The following SLC4A4 variants were observed in gnomAD, a reference collection of about 807,000 sequenced individuals.
SLC4A4 encodes electrogenic sodium bicarbonate cotransporter 1.
A neutral mutation model predicts 111.5 loss-of-function variants in SLC4A4; 27 were observed. The ratio of observed to expected loss-of-function variants is 0.24; its 90% confidence interval spans 0.18 to 0.33. SLC4A4 has a LOEUF of 0.33. SLC4A4 is among the 10% of genes least tolerant of loss of function. The pLI, the probability that SLC4A4 is intolerant of heterozygous loss-of-function variation, is 1.00. For synonymous variants in SLC4A4, 443 were observed against 463.4 expected (o/e 0.96, Z 0.57); for missense variants, 909 against 1,315.5 (o/e 0.69, Z 4.78).
chr4:71,214,422 C>T (rs781288446), intron 1 of SLC4A4, among the ~76,000 whole-genome samples: 11 of 152,096 alleles, frequency 7.2e-5, no homozygotes, highest in Admixed American at 2.6e-4. Flanking sequence ...TTTCCATAAA[C>T]GCATCATCAT....
chr4:71,090,595 T>TAGTGACTCC (rs923087544), intron 1 of SLC4A4, among the ~76,000 whole-genome samples: 1 of 152,240 alleles, frequency 6.6e-6, no homozygotes, highest in Non-Finnish European at 1.5e-5. Context: ...TGCAAGATTT[T>TAGTGACTCC]AGTGACTCCA....
chr4:71,478,387 A>G (rs1247868842), intron 14 of SLC4A4, among the ~76,000 whole-genome samples: 2 of 152,016 alleles, frequency 1.3e-5, no homozygotes, highest in African/African-American at 4.8e-5. Flanking sequence ...GACTGGGTAA[A>G]TAAAATGTGG....
intron 2 of SLC4A4, among the ~76,000 whole-genome samples, chr4:71,112,758 A>G (rs1743123860): frequency 6.6e-6 from 1 of 152,152 alleles, no homozygotes; most frequent in Admixed American, 6.5e-5. Flanking sequence ...TCTTTTTAAT[A>G]AACTTTAAAA....
At chr4:71,262,774 C>A (rs11725021) in intron 3 of SLC4A4, among the ~76,000 whole-genome samples, 1 of 147,924 alleles carries the variant, frequency 6.8e-6, no homozygotes, top group Non-Finnish European at 1.5e-5. Context: ...TTTTTTTTTT[C>A]TAGCAAACAG....
At chr4:71,124,809 G>T (rs1180624566) in intron 2 of SLC4A4, among the ~76,000 whole-genome samples, 1 of 152,178 alleles carries the variant, frequency 6.6e-6, no homozygotes, top group Non-Finnish European at 1.5e-5. Context: ...CAGGAGATGT[G>T]AAGGACAATC....
At chr4:71,334,963 G>A (rs972837273) in intron 3 of SLC4A4, among the ~76,000 whole-genome samples, 1 of 152,124 alleles carries the variant, frequency 6.6e-6, no homozygotes, top group Non-Finnish European at 1.5e-5. Flanking sequence ...CTTTAGAAAT[G>A]GACAAAAGGT....
intron 6 of SLC4A4, among the ~76,000 whole-genome samples, chr4:71,364,899 A>G (rs1379117546): frequency 6.6e-6 from 1 of 152,088 alleles, no homozygotes; most frequent in Non-Finnish European, 1.5e-5. Flanking sequence ...TTTGCCTACT[A>G]CTTCATTTAT....
intron 1 of SLC4A4, among the ~76,000 whole-genome samples, chr4:71,230,564 T>C (rs1464729642): frequency 6.6e-6 from 1 of 152,140 alleles, no homozygotes; most frequent in Non-Finnish European, 1.5e-5. Flanking sequence ...TGAGTTGAAA[T>C]ACAAGATTAG....
chr4:71,552,622 T>C (rs568261228), intron 20 of SLC4A4, among the ~76,000 whole-genome samples: 1 of 151,968 alleles, frequency 6.6e-6, no homozygotes, highest in Admixed American at 6.6e-5. Flanking sequence ...CCTATTTTGA[T>C]TTTATCTCAA....
intron 7 of SLC4A4, among the ~76,000 whole-genome samples, chr4:71,432,542 G>A (rs1723737343): frequency 6.6e-6 from 1 of 151,990 alleles, no homozygotes; most frequent in Non-Finnish European, 1.5e-5. Flanking sequence ...AGTATTTCTT[G>A]AAGGATTAAT....
At chr4:71,437,313 G>C (rs1053692342) in intron 7 of SLC4A4, 2 of 364,538 alleles carry the variant, frequency 5.5e-6, no homozygotes, top group Non-Finnish European at 1.1e-5. Context: ...CAATAACACG[G>C]TTTTGGGGAA....
chr4:71,534,971 T>C (rs1454308568), intron 18 of SLC4A4, among the ~76,000 whole-genome samples: 3 of 152,178 alleles, frequency 2.0e-5, no homozygotes, highest in Non-Finnish European at 4.4e-5. Flanking sequence ...TGGGATATCT[T>C]TCAAGAGAGC....
intron 14 of SLC4A4, among the ~76,000 whole-genome samples, chr4:71,479,337 C>A (rs777844574): frequency 6.6e-6 from 1 of 151,640 alleles, no homozygotes; most frequent in South Asian, 2.1e-4. Context: ...AAGTCATTCA[C>A]AGCATAAGGA....
rs1204860088 is a variant in SLC4A4 at position 71,236,569 on chromosome 4, A to G, written c.-1-7A>G. 2 of 1,611,844 alleles carry G rather than the reference A, an allele frequency of 1.2e-6. No individual in the cohort carries two copies. Among genetic ancestry groups the G allele is most frequent in the Non-Finnish European group, 1.7e-6 (2 of 1,178,236 alleles). ...GAGCATTCTTTTTTTCTTTTTTATT[A>G]CTATAGGATGGAGGATGAAGCTGTC... On this transcript the variant is annotated splice_polypyrimidine_tract_variant and splice_region_variant and intron_variant, in intron 1 of 25. Transcript: ENST00000264485.
At chr4:71,132,560 A>T (rs979543750) in intron 2 of SLC4A4, among the ~76,000 whole-genome samples, 26 of 152,136 alleles carry the variant, frequency 1.7e-4, no homozygotes, top group African/African-American at 6.3e-4. Context: ...AATGAGTTAA[A>T]TTGTGCCTGG....
chr4:71,434,346 A>G (rs1723919589), intron 7 of SLC4A4: 3 of 157,162 alleles, frequency 1.9e-5, no homozygotes, highest in Non-Finnish European at 4.2e-5. Flanking sequence ...TTTAAAATAA[A>G]ATGATTGCTA....
At chr4:71,435,461 A>G (rs1272717617) in intron 7 of SLC4A4, among the ~76,000 whole-genome samples, 1 of 152,234 alleles carries the variant, frequency 6.6e-6, no homozygotes. Context: ...AATCCATAAA[A>G]GAAAACCTAG....
chr4:71,086,847 G>A (rs1443944026), intron 1 of SLC4A4, among the ~76,000 whole-genome samples: 5 of 151,978 alleles, frequency 3.3e-5, no homozygotes, highest in Non-Finnish European at 7.3e-5. Flanking sequence ...GTTCATCAGG[G>A]ATATTGGTCT....
At chr4:71,491,141 C>G (rs1352903724) in intron 15 of SLC4A4, among the ~76,000 whole-genome samples, 1 of 151,594 alleles carries the variant, frequency 6.6e-6, no homozygotes, top group Non-Finnish European at 1.5e-5. Context: ...ATCTTGATGT[C>G]TTATAATGGT....
Sources: allele counts gnomAD v4.1 joint callset (sites outside exome capture counted in the v4.1 genomes callset), GRCh38; gene constraint gnomAD v4.1.1; transcripts MANE v1.5; gene names NCBI Gene and HGNC (gene_info 2026-07-23, HGNC 2026-07-21).